The following CRPPA variants were observed in gnomAD, a reference collection of about 807,000 sequenced individuals.
The protein encoded by CRPPA is D-ribitol-5-phosphate cytidylyltransferase.
Under a neutral mutation model 52.0 loss-of-function variants are expected in CRPPA, and 43 were observed. That is an observed-to-expected ratio of 0.83 (90% CI 0.65 to 1.07). The LOEUF is 1.07. Ranked by LOEUF, CRPPA falls within the 50% of genes least tolerant of loss-of-function variation. CRPPA has a pLI of 0.00. For missense variants in CRPPA, 629 were observed against 551.7 expected (o/e 1.14, Z -1.40); for synonymous variants, 250 against 203.5 (o/e 1.23, Z -1.94).
At chr7:16,163,037 G>A (rs536886740) in intron 9 of CRPPA, among the ~76,000 whole-genome samples, 149 of 144,092 alleles carry the variant, frequency 1.0e-3, no homozygotes, top group African/African-American at 2.9e-3. Flanking sequence ...GCAGTGGTGC[G>A]ATCTCAGCTC....
At chr7:16,191,932 A>T (rs1027627677) in intron 9 of CRPPA, among the ~76,000 whole-genome samples, 1 of 152,044 alleles carries the variant, frequency 6.6e-6, no homozygotes, top group Non-Finnish European at 1.5e-5. Flanking sequence ...AAATGCAGAG[A>T]TTGTATGATT....
intron 2 of CRPPA, among the ~76,000 whole-genome samples, chr7:16,376,769 C>T (rs1054481112): frequency 2.0e-5 from 3 of 152,204 alleles, no homozygotes; most frequent in African/African-American, 7.2e-5. Flanking sequence ...CAAACACAGT[C>T]TCCATGCAAT....
At chr7:16,335,492 C>G (rs1167391969) in intron 3 of CRPPA, among the ~76,000 whole-genome samples, 1 of 152,098 alleles carries the variant, frequency 6.6e-6, no homozygotes, top group Non-Finnish European at 1.5e-5. Flanking sequence ...ACTACAATAA[C>G]TGAACCGAAA....
intron 9 of CRPPA, among the ~76,000 whole-genome samples, chr7:16,196,898 G>A (rs149043005): frequency 0.01 from 1,586 of 152,044 alleles, 24 homozygotes; most frequent in Middle Eastern, 0.044. Flanking sequence ...AACCTAATGA[G>A]GTATATTATT....
intron 2 of CRPPA, among the ~76,000 whole-genome samples, chr7:16,405,295 C>T (rs547391709): frequency 6.6e-6 from 1 of 152,008 alleles, no homozygotes. Flanking sequence ...CCTAAAATGA[C>T]CTTACAAGTA....
intron 3 of CRPPA, among the ~76,000 whole-genome samples, chr7:16,314,983 TC>T (rs1785114258): frequency 1.3e-5 from 2 of 152,102 alleles, no homozygotes; most frequent in African/African-American, 2.4e-5. Flanking sequence ...ATTCCTTTCT[TC>T]TTCTGGTATG....
chr7:16,108,174 G>A (rs927377682), intron 9 of CRPPA, among the ~76,000 whole-genome samples: 3 of 151,846 alleles, frequency 2.0e-5, no homozygotes, highest in Admixed American at 1.3e-4. Flanking sequence ...AATTCTCTGA[G>A]ACACAAAGTA....
chr7:16,269,843 T>G (rs556708546), intron 6 of CRPPA: 31 of 152,260 alleles, frequency 2.0e-4, no homozygotes, highest in African/African-American at 7.5e-4. Flanking sequence ...ACTCAATTAT[T>G]AGGGATAACA....
chr7:16,229,680 C>G (rs909777937), intron 8 of CRPPA, among the ~76,000 whole-genome samples: 2 of 152,076 alleles, frequency 1.3e-5, no homozygotes, highest in Non-Finnish European at 2.9e-5. Flanking sequence ...TACACACAAC[C>G]ATTACAGCAT....
intron 5 of CRPPA, among the ~76,000 whole-genome samples, chr7:16,284,994 C>T (rs1418477896): frequency 6.6e-6 from 1 of 152,102 alleles, no homozygotes; most frequent in African/African-American, 2.4e-5. Context: ...AGAAAAGGCA[C>T]ACAAAATATT....
intron 5 of CRPPA, among the ~76,000 whole-genome samples, chr7:16,288,615 G>T (rs1784495520): frequency 6.6e-6 from 1 of 151,858 alleles, no homozygotes; most frequent in Non-Finnish European, 1.5e-5. Context: ...GGAGGCCAAG[G>T]TGGGTGCATC....
chr7:16,251,541 C>T (rs1032000854), intron 8 of CRPPA, among the ~76,000 whole-genome samples: 3 of 151,956 alleles, frequency 2.0e-5, no homozygotes, highest in East Asian at 1.9e-4. Context: ...CAGACCACAA[C>T]GAAATCAAAT....
intron 3 of CRPPA, among the ~76,000 whole-genome samples, chr7:16,332,857 C>T (rs910878212): frequency 4.6e-5 from 7 of 151,618 alleles, no homozygotes; most frequent in African/African-American, 1.7e-4. Context: ...ATTGTCAGAC[C>T]AATGTACAAA....
intron 3 of CRPPA, among the ~76,000 whole-genome samples, chr7:16,332,248 A>C (rs1016244736): frequency 1.3e-5 from 2 of 152,206 alleles, no homozygotes; most frequent in Admixed American, 1.3e-4. Flanking sequence ...ACATCTTATC[A>C]GACAAAAATT....
At chr7:16,134,125 G>T (rs1446167879) in intron 9 of CRPPA, among the ~76,000 whole-genome samples, 1 of 124,154 alleles carries the variant, frequency 8.1e-6, no homozygotes, top group Non-Finnish European at 1.8e-5. Context: ...CAGAGACGGG[G>T]TTTCACCATG....
At chr7:16,297,293 A>G (rs756583640) in intron 5 of CRPPA, among the ~76,000 whole-genome samples, 5 of 152,218 alleles carry the variant, frequency 3.3e-5, no homozygotes, top group Admixed American at 1.3e-4. Flanking sequence ...CATGAGTCCA[A>G]TGTCCTCCAA....
intron 2 of CRPPA, among the ~76,000 whole-genome samples, chr7:16,385,561 C>T (rs886242162): frequency 2.0e-5 from 3 of 152,156 alleles, no homozygotes; most frequent in Non-Finnish European, 2.9e-5. Context: ...AATGAAAACA[C>T]TTCCAAAGAA....
intron 2 of CRPPA, among the ~76,000 whole-genome samples, chr7:16,384,502 G>A (rs937283458): frequency 6.6e-6 from 1 of 152,162 alleles, no homozygotes; most frequent in Non-Finnish European, 1.5e-5. Context: ...ATATGCCCAA[G>A]GCATTATCAA....
chr7:16,298,705 T>G (rs899081631), intron 5 of CRPPA, among the ~76,000 whole-genome samples: 2 of 152,196 alleles, frequency 1.3e-5, no homozygotes, highest in African/African-American at 4.8e-5. Flanking sequence ...TGGTAAAACA[T>G]TATTATTGAG....
Sources: gnomAD v4.1 joint callset for allele counts (sites outside exome capture counted in the v4.1 genomes callset) on GRCh38, gnomAD v4.1.1 for gene constraint, MANE v1.5 for transcripts, NCBI Gene and HGNC (gene_info 2026-07-23, HGNC 2026-07-21) for gene names.